Variants in CAMK1D observed in about 807,000 individuals in gnomAD.
The protein encoded by CAMK1D is calcium/calmodulin dependent protein kinase ID.
In CAMK1D, 9 loss-of-function variants were observed where a neutral mutation model predicts 47.7. That is an observed-to-expected ratio of 0.19 (90% CI 0.11 to 0.33). The LOEUF is 0.33. Among genes scored for constraint, CAMK1D ranks in the 10% least tolerant of loss-of-function variants. The pLI is 1.00. For synonymous variants in CAMK1D, 184 were observed against 184.9 expected (o/e 0.99, Z 0.04); for missense variants, 291 against 488.7 (o/e 0.60, Z 3.81).
chr10:12,751,340 C>T lies in CAMK1D; in HGVS notation c.300-9608C>T, dbSNP rs553605881. Among the ~76,000 whole-genome samples the T allele has an allele frequency of 4.8e-4, 73 of 152,262 alleles. No homozygotes were observed. In the Middle Eastern group the frequency reaches 0.014, roughly 28 times the overall value. On this transcript the variant is annotated intron_variant, in intron 3 of 10. Coordinates refer to ENST00000619168, the MANE Select transcript of CAMK1D (RefSeq NM_153498.4). The stretch of plus-strand genomic sequence containing the variant: ...CATGATCATAGCTCACTGCAGCCTC[C>T]AACTCCTGCCTCAAATGATCCTTCC...
intron 3 of CAMK1D, chr10:12,725,126 C>T (rs1312033514): frequency 6.5e-6 from 1 of 153,848 alleles, no homozygotes; most frequent in Middle Eastern, 3.2e-3. Context: ...ATCCGCAGTC[C>T]TCTGTGGACT....
intron 4 of CAMK1D, among the ~76,000 whole-genome samples, chr10:12,769,329 T>A (rs144393124): frequency 0.012 from 1,814 of 152,334 alleles, 25 homozygotes; most frequent in Middle Eastern, 0.051. Flanking sequence ...AAGAGTTACT[T>A]CATTTCCTGG....
chr10:12,702,480 G>A (rs1012426968), intron 3 of CAMK1D, among the ~76,000 whole-genome samples: 10 of 152,180 alleles, frequency 6.6e-5, no homozygotes, highest in Admixed American at 1.3e-4. Flanking sequence ...AAAGACACTC[G>A]ATAAAGGCAC....
chr10:12,832,036 C>T lies in CAMK1D; in HGVS notation c.*3149C>T, dbSNP rs1042100496. ...CTAAGGGTGGACGCGTAGACCCCAT[C>T]ACAGGCTTCCTTCCTGAGCCCAAGT... On this transcript the variant is annotated 3_prime_UTR_variant, in exon 11 of 11. Transcript: ENST00000619168. 6.6e-6 allele frequency: 1 copy of T among 152,276 alleles called. No homozygotes were observed. Among genetic ancestry groups the T allele is most frequent in the African/African-American group, 2.4e-5 (1 of 41,434 alleles). 9.4% of individuals were successfully genotyped at this position (152,276 alleles called of 1,614,324 possible). A position where few individuals can be genotyped will look rare whatever the true frequency, so the allele number is the denominator to read the frequency against.
In CAMK1D at chr10:12,807,589, A is replaced by G. The variant is rs1838790692; in HGVS notation, c.642-6606A>G. Among the ~76,000 whole-genome samples the G allele has an allele frequency of 2.0e-5, 3 of 152,190 alleles. No individual in the cohort carries two copies. In the South Asian group the frequency reaches 6.2e-4, roughly 31 times the overall value. Reference sequence around the variant, plus strand: ...CCGCCTCTCTGAGCAGGCAGCGTCCACTGAAGAGGGAGCTGGAATTACCAG... The same window carrying G: ...CCGCCTCTCTGAGCAGGCAGCGTCCGCTGAAGAGGGAGCTGGAATTACCAG... On this transcript the variant is annotated intron_variant, in intron 6 of 10. Transcript: ENST00000619168.
intron 6 of CAMK1D, among the ~76,000 whole-genome samples, chr10:12,801,478 CCATT>C (rs1250187652): frequency 2.6e-5 from 4 of 151,556 alleles, no homozygotes; most frequent in African/African-American, 7.3e-5. Context: ...ATCTATCTAT[CCATT>C]CATCCATCCA....
At chr10:12,568,105 T>TTTCCTGCC (rs1317545139) in intron 2 of CAMK1D, among the ~76,000 whole-genome samples, 3 of 36,012 alleles carry the variant, frequency 8.3e-5, no homozygotes, top group Non-Finnish European at 1.7e-4. Context: ...GCCTGTCTGC[T>TTTCCTGCC]TTCCTGCCTT....
intron 4 of CAMK1D, among the ~76,000 whole-genome samples, chr10:12,762,187 T>C (rs1339670148): frequency 6.6e-6 from 1 of 152,138 alleles, no homozygotes; most frequent in Non-Finnish European, 1.5e-5. Flanking sequence ...TCTAGGATGT[T>C]TACAGGTCCA....
intron 1 of CAMK1D, among the ~76,000 whole-genome samples, chr10:12,452,161 T>G (rs1268084222): frequency 6.6e-6 from 1 of 152,174 alleles, no homozygotes; most frequent in Non-Finnish European, 1.5e-5. Context: ...GAGAGCAGCG[T>G]ATGGAACCCG....
At chr10:12,807,159 C>G (rs72773671) in intron 6 of CAMK1D, among the ~76,000 whole-genome samples, 11,738 of 152,272 alleles carry the variant, frequency 0.077, 466 homozygotes, top group Middle Eastern at 0.13. Flanking sequence ...GCTACCTTCA[C>G]CTGAATCTCT....
At position 12,515,106 on chromosome 10, in the gene CAMK1D, A is replaced by AC. The variant is rs111854117; in HGVS notation, c.93-38113dup. ...TCGAACTCCTGACCTCAGGTGATCC[A>AC]CCCCCCTTGGCCTCCCAAAGTGCTG... On this transcript the variant is annotated intron_variant, in intron 1 of 10. Transcript: ENST00000619168. 8.2e-3 allele frequency among the ~76,000 whole-genome samples: 1,234 copies of AC among 150,350 alleles called. 16 individuals carry two copies. Among genetic ancestry groups the AC allele is most frequent in the African/African-American group, 0.027 (1,101 of 40,890 alleles).
chr10:12,819,739 A>T (rs1832948574), intron 8 of CAMK1D, among the ~76,000 whole-genome samples: 1 of 152,154 alleles, frequency 6.6e-6, no homozygotes. Context: ...TAGACAACCC[A>T]ATCTGGTGGG....
chr10:12,444,741 GAGTTA>G (rs1832880494), intron 1 of CAMK1D, among the ~76,000 whole-genome samples: 1 of 152,182 alleles, frequency 6.6e-6, no homozygotes, highest in South Asian at 2.1e-4. Context: ...TTGGTTGAAA[GAGTTA>G]AGTTATTATC....
chr10:12,801,354 T>TATCTAATCTATCTATCTATCTATC lies in CAMK1D; in HGVS notation c.641+10121_641+10122insATCTAATCTATCTATCTATCTATC, dbSNP rs57429397. Among the ~76,000 whole-genome samples the TATCTAATCTATCTATCTATCTATC allele has an allele frequency of 2.4e-4, 16 of 66,564 alleles. 1 individual carries two copies. Among genetic ancestry groups the TATCTAATCTATCTATCTATCTATC allele is most frequent in the South Asian group, 1.6e-3 (3 of 1,832 alleles). The allele number at this position is 66,564 out of a possible 152,430, so 43.7% of individuals were successfully genotyped here. A position where few individuals can be genotyped will look rare whatever the true frequency, so the allele number is the denominator to read the frequency against. On this transcript the variant is annotated intron_variant, in intron 6 of 10. Transcript: ENST00000619168. ...CTATCTATCTATCTATCTATCTATC[T>TATCTAATCTATCTATCTATCTATC]TATCTATCTATCTATCTATCTATCT...
At chr10:12,575,136 A>C (rs1837453636) in intron 2 of CAMK1D, among the ~76,000 whole-genome samples, 1 of 151,806 alleles carries the variant, frequency 6.6e-6, no homozygotes, top group Non-Finnish European at 1.5e-5. Flanking sequence ...TCTGTTGCCC[A>C]GGCTGTAGCG....
chr10:12,621,977 G>T (rs777871157), intron 2 of CAMK1D, among the ~76,000 whole-genome samples: 3 of 152,170 alleles, frequency 2.0e-5, no homozygotes, highest in Non-Finnish European at 4.4e-5. Flanking sequence ...GGCTTCCATG[G>T]TCACCTGCTC....
Position 12,717,891 on chromosome 10 carries a change from C to CAAA in CAMK1D, c.300-43043_300-43041dup, listed in dbSNP as rs1181845465. 6.1e-3 allele frequency among the ~76,000 whole-genome samples: 324 copies of CAAA among 52,874 alleles called. 4 individuals are homozygous for CAAA. The highest frequency in any genetic ancestry group is 0.022 in the African/African-American group (308 of 14,270). 34.7% of individuals were successfully genotyped at this position (52,874 alleles called of 152,430 possible). The stretch of plus-strand genomic sequence containing the variant: ...CCTGGGCAACAGAGTGAGACCCTGT[C>CAAA]AAAAAAAAAAAAAAAAGAAAAAAAA... On this transcript the variant is annotated intron_variant, in intron 3 of 10. Transcript: ENST00000619168.
intron 1 of CAMK1D, among the ~76,000 whole-genome samples, chr10:12,410,412 A>G (rs896832140): frequency 6.6e-6 from 1 of 152,146 alleles, no homozygotes; most frequent in African/African-American, 2.4e-5. Context: ...AGGGCCTTAG[A>G]ACAGTTCGCC....
intron 3 of CAMK1D, among the ~76,000 whole-genome samples, chr10:12,745,277 G>A (rs1056551027): frequency 2.0e-5 from 3 of 152,166 alleles, no homozygotes; most frequent in African/African-American, 7.2e-5. Flanking sequence ...TGATCCGCCC[G>A]CCTCAGCCTC....
Sources: allele counts gnomAD v4.1 joint callset (sites outside exome capture counted in the v4.1 genomes callset), GRCh38; gene constraint gnomAD v4.1.1; transcripts MANE v1.5; gene names NCBI Gene and HGNC (gene_info 2026-07-23, HGNC 2026-07-21).